MUC5AC: variants seen among roughly 807,000 people sequenced by gnomAD.
The protein encoded by MUC5AC is mucin 5AC, oligomeric mucus/gel-forming.
MUC5AC carries 158 observed loss-of-function variants against 169.7 expected under a neutral mutation model. The observed-to-expected ratio is 0.93, with a 90% CI of 0.82 to 1.06. The LOEUF is 1.06. MUC5AC is among the 50% of genes least tolerant of loss of function. The pLI, the probability that MUC5AC is intolerant of heterozygous loss-of-function variation, is 0.00. For missense variants in MUC5AC, 4,359 were observed against 3,089.9 expected (o/e 1.41, Z -9.74); for synonymous variants, 1,975 against 1,237.0 (o/e 1.60, Z -12.52).
At chr11:1,160,741 A>C in intron 2 of MUC5AC, 52 bp downstream of exon 2, 3 of 1,534,254 alleles carry the variant, frequency 2.0e-6, no homozygotes, top group Non-Finnish European at 2.7e-6. Flanking sequence ...TCCACCCTCC[A>C]CCGTGTGGCA....
chr11:1,159,570 G>C (rs1170304781), intron 1 of MUC5AC, among the ~76,000 whole-genome samples: 1 of 61,102 alleles, frequency 1.6e-5, no homozygotes, highest in Admixed American at 1.5e-4. Flanking sequence ...GGGCTGTGCG[G>C]GGCTGTGCGG....
In MUC5AC at chr11:1,175,045, G is replaced by A. The variant is rs924958544; in HGVS notation, c.2256G>A (p.Thr752=). The A allele has an allele frequency of 6.2e-5, 25 of 401,254 alleles. No individual in the cohort carries two copies. Among genetic ancestry groups the A allele is most frequent in the African/African-American group, 3.9e-4 (19 of 48,652 alleles). 24.9% of individuals were successfully genotyped at this position (401,254 alleles called of 1,614,324 possible). ...CCAAGGGCACCTTCCTGGACGACAC[G>A]GGCAAGTGTGTGCAGGCCAGCAACT... ...ICPKGTFLDD[T]GKCVQASNCP... is the part of the protein sequence containing the mutation. The change falls in exon 18 of 49, where the codon ACG becomes ACA. Residue 752 remains threonine, a synonymous_variant. Transcript: ENST00000621226.
rs1860966057 is a variant in MUC5AC, at chr11:1,186,967, C to T, written c.8822C>T (p.Thr2941Ile). The T allele has an allele frequency of 2.4e-5, 18 of 737,098 alleles. 1 individual carries two copies. In the South Asian group the frequency reaches 2.5e-4, roughly 10 times the overall value. 45.7% of individuals were successfully genotyped at this position (737,098 alleles called of 1,614,324 possible). ...ATCTCTGTTCCTACAACCAGCACAA[C>T]TTCTGTTCCTGGAACTACTCCCAGC... is the stretch of plus-strand genomic sequence containing the variant. Reference protein sequence around the residue: ...STISVPTTSTTSVPGTTPSPV... With the variant: ...STISVPTTSTISVPGTTPSPV... Residue 2941 changes from threonine (T) to isoleucine (I), a missense_variant, in exon 31 of 49, where the codon ACT (threonine) becomes ATT (isoleucine). Transcript: ENST00000621226.
At chr11:1,182,065 G>A in intron 30 of MUC5AC, 90 bp from the exon 31 acceptor site, 1 of 395,290 alleles carries the variant, frequency 2.5e-6, no homozygotes, top group Non-Finnish European at 4.4e-6. Flanking sequence ...TGCTGGCGCA[G>A]CTCCAGACCG....
At chr11:1,168,442 A>G in intron 12 of MUC5AC, 41 bp from the exon 13 acceptor site, 2 of 1,598,188 alleles carry the variant, frequency 1.3e-6, no homozygotes, top group South Asian at 1.1e-5. Context: ...GAGGTGCCGC[A>G]AGCCTGCCCC....
At chr11:1,165,595 C>A (rs781146942) in intron 10 of MUC5AC, 27 bp from the exon 11 acceptor site, 2 of 1,610,338 alleles carry the variant, frequency 1.2e-6, no homozygotes, top group Non-Finnish European at 1.7e-6. Flanking sequence ...GGGCCGGCAC[C>A]CACGTGGCAC....
chr11:1,158,105 C>T, intron 1 of MUC5AC, 33 bp downstream of exon 1: 1 of 1,560,560 alleles, frequency 6.4e-7, no homozygotes, highest in East Asian at 2.3e-5. Context: ...TCTACTGGTC[C>T]TGGGTGGTGC....
chr11:1,168,057 G>C (rs929892278), intron 12 of MUC5AC, 70 bp downstream of exon 12: 1 of 1,338,356 alleles, frequency 7.5e-7, no homozygotes, highest in Non-Finnish European at 1.0e-6. Context: ...AGTCACCTCT[G>C]CCCAAGCCCT....
In MUC5AC at chr11:1,163,922, G is replaced by A; in HGVS notation, c.720G>A (p.Lys240=). The A allele has an allele frequency of 1.2e-6, 2 of 1,611,298 alleles. No individual in the cohort carries two copies. The highest frequency in any genetic ancestry group is 1.7e-6 in the Non-Finnish European group (2 of 1,179,394). The change falls in exon 7 of 49, where the codon AAG becomes AAA. Residue 240 remains lysine (K), a synonymous_variant. Coordinates refer to ENST00000621226, the MANE Select transcript of MUC5AC (RefSeq NM_001304359.2). Reference sequence around the variant, plus strand: ...CCATGGAATTCGGGAACCTGCAGAAGATGGACGACCCCACGGACCAGTGTC... The same window carrying A: ...CCATGGAATTCGGGAACCTGCAGAAAATGGACGACCCCACGGACCAGTGTC... The part of the protein sequence containing the change: ...LTPMEFGNLQ[K]MDDPTDQCQD...
chr11:1,197,421 T>C, intron 40 of MUC5AC, 47 bp from the exon 41 acceptor site: 1 of 696,506 alleles, frequency 1.4e-6, no homozygotes, highest in East Asian at 2.7e-5. Context: ...GCTGCACCCC[T>C]GGGTGGAGCC....
rs112774721 is a variant in MUC5AC, at chr11:1,192,062, G to A, written c.13917G>A (p.Val4639=). Residue 4639 remains valine (V), a synonymous_variant, in exon 31 of 49, where the codon GTG becomes GTA. Transcript: ENST00000621226. ...GCGCCTGGACAAAGTGGTTCGACGT[G>A]GACTTCCCATCCCCTGGACCCCACG... ...PLCAWTKWFD[V]DFPSPGPHGG... is the part of the protein sequence containing the mutation. 2.6e-6 allele frequency: 2 copies of A among 764,952 alleles called. No individual in the cohort carries two copies. Among genetic ancestry groups the A allele is most frequent in the Non-Finnish European group, 4.8e-6 (2 of 417,914 alleles). 47.4% of individuals were successfully genotyped at this position (764,952 alleles called of 1,614,324 possible). A position where few individuals can be genotyped will look rare whatever the true frequency, so the allele number is the denominator to read the frequency against.
In MUC5AC at chr11:1,184,937, A is replaced by C; in HGVS notation, c.6792A>C (p.Pro2264=). Residue 2264 remains proline (P), a synonymous_variant, in exon 31 of 49, where the codon CCA becomes CCC. Coordinates refer to ENST00000621226, the MANE Select transcript of MUC5AC (RefSeq NM_001304359.2). ...TLVTTSTTST[P]QTSTTYAHTT... is the part of the protein sequence containing the mutation. ...TGACAACCAGCACAACCTCCACTCC[A>C]CAGACCAGTACAACCTATGCCCATA... 1 of 649,074 alleles carries C rather than the reference A, an allele frequency of 1.5e-6. No individual in the cohort carries two copies. The highest frequency in any genetic ancestry group is 2.8e-6 in the Non-Finnish European group (1 of 359,616). The allele number at this position is 649,074 out of a possible 1,614,324, so 40.2% of individuals were successfully genotyped here.
rs201544030 is a variant in MUC5AC, at chr11:1,165,343, G to C, written c.1171G>C (p.Val391Leu). The C allele has an allele frequency of 1.4e-5, 22 of 1,612,282 alleles. No individual in the cohort carries two copies. The highest frequency in any genetic ancestry group is 1.7e-6 in the Non-Finnish European group (2 of 1,179,736). Reference protein sequence around the residue: ...DDIGQTGCVPVSKCACVYNGA... With the variant: ...DDIGQTGCVPLSKCACVYNGA... ...CATCGGCCAGACCGGCTGTGTCCCT[G>C]TGTCAAAGTGTGCCTGCGTCTACAA... The change falls in exon 10 of 49, where the codon GTG (valine) becomes CTG (leucine). Residue 391 changes from valine (V) to leucine (L), a missense_variant. Coordinates refer to ENST00000621226, the MANE Select transcript of MUC5AC (RefSeq NM_001304359.2).
At chr11:1,175,440 A>C (rs2133742186) in intron 19 of MUC5AC, among the ~76,000 whole-genome samples, 170 bp downstream of exon 19, 1 of 842 alleles carries the variant, frequency 1.2e-3, no homozygotes, top group East Asian at 0.023. Context: ...AGGGGGAAGA[A>C]GGGAGGGTGT....
intron 2 of MUC5AC, 34 bp from the exon 3 acceptor site, chr11:1,161,493 C>T (rs1370246004): frequency 5.2e-6 from 8 of 1,540,618 alleles, no homozygotes; most frequent in South Asian, 4.8e-5. Flanking sequence ...CACGTGGGGC[C>T]GTGCGTGAAT....
Position 1,164,474 on chromosome 11 carries a change from C to G in MUC5AC, c.1071C>G (p.Asn357Lys). The change falls in exon 9 of 49, where the codon AAC becomes AAG. Residue 357 changes from asparagine to lysine, a missense_variant. Coordinates refer to ENST00000621226, the MANE Select transcript of MUC5AC (RefSeq NM_001304359.2). The stretch of plus-strand genomic sequence containing the variant: ...CCCCCTGCGCAGACACCTGCTCCAA[C>G]CAGGAGCACTCCCGGGCCTGTGAGG... Reference protein sequence around the residue: ...CRSPCADTCSNQEHSRACEDH... With the variant: ...CRSPCADTCSKQEHSRACEDH... The G allele has an allele frequency of 1.2e-6, 2 of 1,611,978 alleles. No individual in the cohort carries two copies. Among genetic ancestry groups the G allele is most frequent in the Non-Finnish European group, 1.7e-6 (2 of 1,179,574 alleles).
chr11:1,186,587 C>G lies in MUC5AC; in HGVS notation c.8442C>G (p.Ser2814=), dbSNP rs1213932811. 2.8e-6 allele frequency: 2 copies of G among 704,992 alleles called. No homozygotes were observed. Among genetic ancestry groups the G allele is most frequent in the East Asian group, 5.3e-5 (2 of 37,420 alleles). The allele number at this position is 704,992 out of a possible 1,614,324, so 43.7% of individuals were successfully genotyped here. A position where few individuals can be genotyped will look rare whatever the true frequency, so the allele number is the denominator to read the frequency against. ...CTGCCCCTATAAGCAGCACAACTTC[C>G]ACACCACAGACCAGCACAACTTCGG... ...TTSAPISSTT[S]TPQTSTTSAP... Residue 2814 remains serine (S), a synonymous_variant, in exon 31 of 49, where the codon TCC becomes TCG. Transcript: ENST00000621226.
Position 1,195,299 on chromosome 11 carries a change from G to T in MUC5AC, c.15458+20G>T, listed in dbSNP as rs370825758. The T allele has an allele frequency of 1.3e-6, 1 of 753,520 alleles. No homozygotes were observed. Among genetic ancestry groups the T allele is most frequent in the East Asian group, 2.4e-5 (1 of 40,852 alleles). The allele number at this position is 753,520 out of a possible 1,614,324, so 46.7% of individuals were successfully genotyped here. ...GAGCAAGTGAGACTTGGGTGCAAGG[G>T]AGGGAGGGTCAGTGTGGCCGCCCCA... On this transcript the variant is annotated intron_variant, in intron 36 of 48. Coordinates refer to ENST00000621226, the MANE Select transcript of MUC5AC (RefSeq NM_001304359.2).
intron 28 of MUC5AC, 36 bp downstream of exon 28, chr11:1,180,552 G>T (rs1267994455): frequency 1.0e-5 from 4 of 398,758 alleles, no homozygotes; most frequent in Non-Finnish European, 1.8e-5. Context: ...GGAGCCTGCA[G>T]CATGCAGGGG....
Sources: allele counts gnomAD v4.1 joint callset (sites outside exome capture counted in the v4.1 genomes callset), GRCh38; gene constraint gnomAD v4.1.1; transcripts MANE v1.5; gene names NCBI Gene and HGNC (gene_info 2026-07-23, HGNC 2026-07-21).